The following EML4 variants were observed in gnomAD, a reference collection of about 807,000 sequenced individuals.
EML4 encodes the protein echinoderm microtubule-associated protein-like 4.
In EML4, 72 loss-of-function variants were observed where a neutral mutation model predicts 129.0. The ratio of observed to expected loss-of-function variants is 0.56; its 90% CI spans 0.46 to 0.68. The LOEUF is 0.68. EML4 is among the 30% of genes least tolerant of loss of function. The probability of loss-of-function intolerance (pLI) is 0.00; values close to 1 mark genes in which losing one functional copy is unlikely to be tolerated. For synonymous variants in EML4, 532 were observed against 405.0 expected (o/e 1.31, Z -3.77); for missense variants, 1,363 against 1,190.6 (o/e 1.14, Z -2.13).
intron 1 of EML4, among the ~76,000 whole-genome samples, chr2:42,234,706 G>A (rs116478199): frequency 1.1e-4 from 16 of 152,278 alleles, no homozygotes; most frequent in South Asian, 2.1e-4. Flanking sequence ...TGCTCAGCTT[G>A]TTCTTGTTCT....
At chr2:42,226,677 A>T (rs1558519047) in intron 1 of EML4, among the ~76,000 whole-genome samples, 1 of 139,522 alleles carries the variant, frequency 7.2e-6, no homozygotes, top group African/African-American at 3.3e-5. Context: ...AAAATAAAAT[A>T]AAATAAATAA....
chr2:42,204,100 T>C (rs185997013), intron 1 of EML4, among the ~76,000 whole-genome samples: 1 of 152,178 alleles, frequency 6.6e-6, no homozygotes, highest in East Asian at 1.9e-4. Context: ...TTAAATTTTT[T>C]AATAGAGATG....
At chr2:42,177,103 T>C (rs1414676429) in intron 1 of EML4, among the ~76,000 whole-genome samples, 1 of 152,126 alleles carries the variant, frequency 6.6e-6, no homozygotes, top group Non-Finnish European at 1.5e-5. Flanking sequence ...TATAAACCTC[T>C]TGAAGGCTGT....
At chr2:42,246,969 G>T (rs1345183947) in intron 2 of EML4, among the ~76,000 whole-genome samples, 1 of 152,208 alleles carries the variant, frequency 6.6e-6, no homozygotes, top group African/African-American at 2.4e-5. Context: ...AAGAATAATT[G>T]TAGAATTGAG....
At chr2:42,223,779 A>G (rs774459587) in intron 1 of EML4, among the ~76,000 whole-genome samples, 1 of 152,136 alleles carries the variant, frequency 6.6e-6, no homozygotes, top group Non-Finnish European at 1.5e-5. Context: ...AAATATGCAT[A>G]ATAGTCTCTT....
chr2:42,313,213 C>T (rs1489423304), intron 17 of EML4, among the ~76,000 whole-genome samples: 3 of 151,932 alleles, frequency 2.0e-5, no homozygotes, highest in Non-Finnish European at 4.4e-5. Context: ...GCCTCGGCCT[C>T]CCAAAGTGCT....
rs190935083 is a variant in EML4 at position 42,275,032 on chromosome 2, G to A, written c.668-5818G>A. On this transcript the variant is annotated intron_variant, in intron 6 of 22. Transcript: ENST00000318522. Reference sequence around the variant, plus strand: ...TTAAAAGGAAGCTGTATTGTCACCCGGTAACTGGACTAGCCTGAGGCCCTT... The same window carrying A: ...TTAAAAGGAAGCTGTATTGTCACCCAGTAACTGGACTAGCCTGAGGCCCTT... Among the ~76,000 whole-genome samples, 12 of 152,260 alleles carry A rather than the reference G, an allele frequency of 7.9e-5. No homozygotes were observed. The South Asian group carries it at 1.0e-3, about 13-fold the overall frequency.
Position 42,328,876 on chromosome 2 carries a change from C to A in EML4, c.2342-10C>A. 6.3e-7 allele frequency: 1 copy of A among 1,577,618 alleles called. No individual in the cohort carries two copies. Among genetic ancestry groups the A allele is most frequent in the Non-Finnish European group, 8.6e-7 (1 of 1,159,668 alleles). On this transcript the variant is annotated splice_polypyrimidine_tract_variant and intron_variant, in intron 21 of 22. Coordinates refer to ENST00000318522, the MANE Select transcript of EML4 (RefSeq NM_019063.5). ...TAATTTTTCTGCATCCCTGTGTTTCCATATCAAAGGTGTCTGGCCAGAAGG... is the reference window on the plus strand; with the variant it reads ...TAATTTTTCTGCATCCCTGTGTTTCAATATCAAAGGTGTCTGGCCAGAAGG...
chr2:42,171,270 C>A (rs1471492512), intron 1 of EML4, among the ~76,000 whole-genome samples: 1 of 152,172 alleles, frequency 6.6e-6, no homozygotes, highest in African/African-American at 2.4e-5. Flanking sequence ...TGAGTGTCTT[C>A]TTAGGGGATG....
intron 6 of EML4, among the ~76,000 whole-genome samples, chr2:42,271,028 T>G (rs1012148679): frequency 6.6e-6 from 1 of 152,192 alleles, no homozygotes; most frequent in Non-Finnish European, 1.5e-5. Flanking sequence ...CCAGAGTAGC[T>G]GGCACATAGG....
At chr2:42,236,085 A>C (rs1250743636) in intron 1 of EML4, among the ~76,000 whole-genome samples, 1 of 152,156 alleles carries the variant, frequency 6.6e-6, no homozygotes, top group Non-Finnish European at 1.5e-5. Flanking sequence ...CAACCATCAG[A>C]AGTAACTATT....
chr2:42,187,610 A>T (rs1671335835), intron 1 of EML4, among the ~76,000 whole-genome samples: 1 of 152,132 alleles, frequency 6.6e-6, no homozygotes, highest in South Asian at 2.1e-4. Context: ...ATCTTCTTTC[A>T]GGCCCTAGCA....
intron 2 of EML4, among the ~76,000 whole-genome samples, chr2:42,249,106 T>G (rs964467508): frequency 2.0e-5 from 3 of 152,278 alleles, no homozygotes; most frequent in Non-Finnish European, 2.9e-5. Flanking sequence ...ATCATCTCAG[T>G]TTTGATATTA....
chr2:42,254,364 G>A (rs952073310), intron 2 of EML4, among the ~76,000 whole-genome samples: 2 of 151,608 alleles, frequency 1.3e-5, no homozygotes, highest in South Asian at 4.2e-4. Flanking sequence ...GGCTGAGGTA[G>A]ACAGATGGAT....
chr2:42,246,037 T>C (rs1675382544), intron 2 of EML4, among the ~76,000 whole-genome samples: 1 of 152,226 alleles, frequency 6.6e-6, no homozygotes, highest in East Asian at 1.9e-4. Flanking sequence ...TCATGTGTTC[T>C]TAAAATTCTG....
intron 1 of EML4, among the ~76,000 whole-genome samples, chr2:42,230,435 CTT>C (rs1024262703): frequency 6.6e-6 from 1 of 152,068 alleles, no homozygotes; most frequent in Admixed American, 6.6e-5. Flanking sequence ...GAGACAGAGT[CTT>C]TTACTGTTGC....
In EML4 at chr2:42,277,619, A is replaced by T. The variant is rs1666730293; in HGVS notation, c.668-3231A>T. On this transcript the variant is annotated intron_variant, in intron 6 of 22. Coordinates refer to ENST00000318522, the MANE Select transcript of EML4 (RefSeq NM_019063.5). ...GAGTCTCACTCTGTCGCCAGGCTGG[A>T]GTGCAGTGGCGTGATCTCGGCTCAC... 2.1e-5 allele frequency among the ~76,000 whole-genome samples: 3 copies of T among 144,290 alleles called. No individual in the cohort carries two copies. In the South Asian group the frequency reaches 6.7e-4, roughly 32 times the overall value. The allele number at this position is 144,290 out of a possible 152,430, so 94.7% of individuals were successfully genotyped here.
chr2:42,246,215 GACAA>G (rs1675392754), intron 2 of EML4, among the ~76,000 whole-genome samples: 1 of 152,176 alleles, frequency 6.6e-6, no homozygotes, highest in African/African-American at 2.4e-5. Flanking sequence ...TCAAGGTTGA[GACAA>G]ACAGTCGTCA....
intron 1 of EML4, among the ~76,000 whole-genome samples, chr2:42,221,039 C>T (rs1350497502): frequency 6.6e-6 from 1 of 152,148 alleles, no homozygotes; most frequent in Non-Finnish European, 1.5e-5. Context: ...CATAAAAGTG[C>T]AAGGTGAAGC....
Sources: gnomAD v4.1 joint callset for allele counts (sites outside exome capture counted in the v4.1 genomes callset) on GRCh38, gnomAD v4.1.1 for gene constraint, MANE v1.5 for transcripts, NCBI Gene and HGNC (gene_info 2026-07-23, HGNC 2026-07-21) for gene names.